The following C4orf33 variants were observed in gnomAD, a reference collection of about 807,000 sequenced individuals.
C4orf33 encodes chromosome 4 open reading frame 33.
In C4orf33, 20 loss-of-function variants were observed where a neutral mutation model predicts 24.3. That is an observed-to-expected ratio of 0.82 (90% CI 0.58 to 1.19). The LOEUF (loss-of-function observed/expected upper bound fraction) is 1.19, where lower values mean the gene tolerates loss of function less well. Ranked by LOEUF, C4orf33 falls within the 50% of genes most tolerant of loss-of-function variation. C4orf33 has a pLI of 0.00. For synonymous variants in C4orf33, 67 were observed against 76.4 expected (o/e 0.88, Z 0.64); for missense variants, 207 against 225.9 (o/e 0.92, Z 0.54).
chr4:129,114,589 G>A lies in C4orf33; in HGVS notation c.*2798G>A, dbSNP rs1753745843. ...TCAGTGATTACCTAAAGCAGCCCTAGAAAGCCGTTCGTCAGGATGAGAATC... is the reference window on the plus strand; with the variant it reads ...TCAGTGATTACCTAAAGCAGCCCTAAAAAGCCGTTCGTCAGGATGAGAATC... On this transcript the variant is annotated 3_prime_UTR_variant, in exon 6 of 6. Transcript: ENST00000425929. 6.6e-6 allele frequency: 1 copy of A among 152,216 alleles called. No homozygotes were observed. The highest frequency in any genetic ancestry group is 1.5e-5 in the Non-Finnish European group (1 of 68,072). 9.4% of individuals were successfully genotyped at this position (152,216 alleles called of 1,614,324 possible).
intron 5 of C4orf33, 64 bp downstream of exon 5, chr4:129,109,736 T>C: frequency 7.5e-7 from 1 of 1,339,804 alleles, no homozygotes; most frequent in Non-Finnish European, 1.0e-6. Context: ...TAATTCTTAG[T>C]GGAGCAGAAG....
chr4:129,114,534 A>C lies in C4orf33; in HGVS notation c.*2743A>C, dbSNP rs1295700119. 6.6e-6 allele frequency: 1 copy of C among 152,090 alleles called. No homozygotes were observed. Among genetic ancestry groups the C allele is most frequent in the Non-Finnish European group, 1.5e-5 (1 of 68,038 alleles). 9.4% of individuals were successfully genotyped at this position (152,090 alleles called of 1,614,324 possible). A position where few individuals can be genotyped will look rare whatever the true frequency, so the allele number is the denominator to read the frequency against. On this transcript the variant is annotated 3_prime_UTR_variant, in exon 6 of 6. Coordinates refer to ENST00000425929, the MANE Select transcript of C4orf33 (RefSeq NM_001099783.2). ...CAACCTCTTTGGAAGTTATTGTCCT[A>C]TGTTTGCTTCATGGGGAACCCAGGC...
At chr4:129,097,010 G>A (rs1190439709) in intron 1 of C4orf33, among the ~76,000 whole-genome samples, 1 of 152,174 alleles carries the variant, frequency 6.6e-6, no homozygotes, top group Non-Finnish European at 1.5e-5. Context: ...CCGGGTTCAA[G>A]CGATTCTTCT....
chr4:129,103,080 T>C lies in C4orf33; in HGVS notation c.181+289T>C, dbSNP rs182223018. 40 of 206,844 alleles carry C rather than the reference T, an allele frequency of 1.9e-4. No homozygotes were observed. The East Asian group carries it at 5.5e-3, about 28-fold the overall frequency. The allele number at this position is 206,844 out of a possible 1,614,324, so 12.8% of individuals were successfully genotyped here. A position where few individuals can be genotyped will look rare whatever the true frequency, so the allele number is the denominator to read the frequency against. ...TGTTGCCCAGGTTGGAGTGCAGTGG[T>C]GCAATCTCGGCTCACTGCAAGGTCC... On this transcript the variant is annotated intron_variant, in intron 2 of 5. Coordinates refer to ENST00000425929, the MANE Select transcript of C4orf33 (RefSeq NM_001099783.2).
At position 129,114,458 on chromosome 4, in the gene C4orf33, G is replaced by A. The variant is rs1267926400; in HGVS notation, c.*2667G>A. The A allele has an allele frequency of 6.6e-6, 1 of 152,118 alleles. No individual in the cohort carries two copies. The highest frequency in any genetic ancestry group is 1.5e-5 in the Non-Finnish European group (1 of 68,082). The allele number at this position is 152,118 out of a possible 1,614,324, so 9.4% of individuals were successfully genotyped here. On this transcript the variant is annotated 3_prime_UTR_variant, in exon 6 of 6. Coordinates refer to ENST00000425929, the MANE Select transcript of C4orf33 (RefSeq NM_001099783.2). ...CTTTCCTTCATTTCCATCATTTTCT[G>A]TTTTGCTCTTCCTGGTACCTCTCTC...
intron 2 of C4orf33, among the ~76,000 whole-genome samples, chr4:129,105,437 C>T (rs1161119982): frequency 2.0e-5 from 3 of 152,118 alleles, no homozygotes. Flanking sequence ...ATCTGGATAC[C>T]ATGGCCTAGT....
intron 1 of C4orf33, among the ~76,000 whole-genome samples, chr4:129,097,376 G>A (rs1384825397): frequency 1.3e-5 from 2 of 152,140 alleles, no homozygotes; most frequent in East Asian, 1.9e-4. Context: ...GTTACCACTC[G>A]TTTCTTGGAT....
Position 129,109,274 on chromosome 4 carries a change from T to C in C4orf33, c.243-33T>C, listed in dbSNP as rs1580016012. 1.9e-6 allele frequency: 3 copies of C among 1,593,978 alleles called. No homozygotes were observed. The South Asian group carries it at 3.3e-5, about 18-fold the overall frequency. On this transcript the variant is annotated intron_variant, in intron 3 of 5. Coordinates refer to ENST00000425929, the MANE Select transcript of C4orf33 (RefSeq NM_001099783.2). ...GTGAAGAAAATAACATTCATGTTTT[T>C]CAAACACTCATGAGGAATCTTAATT...
At chr4:129,097,561 A>T (rs1753242474) in intron 1 of C4orf33, among the ~76,000 whole-genome samples, 2 of 152,010 alleles carry the variant, frequency 1.3e-5, no homozygotes, top group South Asian at 4.2e-4. Flanking sequence ...GTATAGCATA[A>T]TTTTTTTTAC....
rs1200006999 is a variant in C4orf33 at position 129,112,381 on chromosome 4, C to A, written c.*590C>A. 1 of 152,122 alleles carries A rather than the reference C, an allele frequency of 6.6e-6. No individual in the cohort carries two copies. The highest frequency in any genetic ancestry group is 1.9e-4 in the East Asian group (1 of 5,198). 9.4% of individuals were successfully genotyped at this position (152,122 alleles called of 1,614,324 possible). ...AAACAAACCAAACATAACATACTAT[C>A]TAATTACTTTTATATTAAAGCCACT... On this transcript the variant is annotated 3_prime_UTR_variant, in exon 6 of 6. Transcript: ENST00000425929.
chr4:129,098,759 G>T (rs1753272010), intron 1 of C4orf33, among the ~76,000 whole-genome samples: 1 of 152,186 alleles, frequency 6.6e-6, no homozygotes, highest in Non-Finnish European at 1.5e-5. Flanking sequence ...TAAGGGGTGG[G>T]TTATTCATGC....
intron 1 of C4orf33, among the ~76,000 whole-genome samples, chr4:129,101,395 G>C (rs1223071043): frequency 1.3e-5 from 2 of 151,916 alleles, no homozygotes; most frequent in Non-Finnish European, 2.9e-5. Context: ...AAAGATTTCA[G>C]ATAAAAGAAG....
chr4:129,098,323 T>C (rs1753259652), intron 1 of C4orf33, among the ~76,000 whole-genome samples: 1 of 152,138 alleles, frequency 6.6e-6, no homozygotes, highest in Non-Finnish European at 1.5e-5. Context: ...GCCCCTTTCT[T>C]CCCTCCCCCC....
At chr4:129,106,343 C>G (rs572356448) in intron 2 of C4orf33, among the ~76,000 whole-genome samples, 43 of 152,100 alleles carry the variant, frequency 2.8e-4, no homozygotes, top group African/African-American at 8.9e-4. Flanking sequence ...TACAACCTGA[C>G]CAGCACTAGT....
chr4:129,110,132 C>A, intron 5 of C4orf33: 3 of 413,098 alleles, frequency 7.3e-6, no homozygotes, highest in Non-Finnish European at 9.8e-6. Flanking sequence ...TGTTTCTAGG[C>A]AACACTGCTT....
At chr4:129,102,509 C>G in intron 1 of C4orf33, 93 bp from the exon 2 acceptor site, 1 of 912,782 alleles carries the variant, frequency 1.1e-6, no homozygotes, top group East Asian at 2.7e-5. Context: ...CCTTTCCCGT[C>G]TGCTGTTTGG....
rs1242661877 is a variant in C4orf33 at position 129,111,841 on chromosome 4, TAAAC to T, written c.*54_*57del. ...ATTTTTTCCTCTATACCTTTTAAGA[TAAAC>T]AAAAAATAAATATCAATTTTTTAAG... is the stretch of plus-strand genomic sequence containing the variant. On this transcript the variant is annotated 3_prime_UTR_variant, in exon 6 of 6. Coordinates refer to ENST00000425929, the MANE Select transcript of C4orf33 (RefSeq NM_001099783.2). 4 of 1,012,856 alleles carry T rather than the reference TAAAC, an allele frequency of 3.9e-6. No homozygotes were observed. Among genetic ancestry groups the T allele is most frequent in the African/African-American group, 1.6e-5 (1 of 60,810 alleles). 62.7% of individuals were successfully genotyped at this position (1,012,856 alleles called of 1,614,324 possible). A position where few individuals can be genotyped will look rare whatever the true frequency, so the allele number is the denominator to read the frequency against.
At chr4:129,096,590 G>T (rs1185857082) in intron 1 of C4orf33, among the ~76,000 whole-genome samples, 8 of 152,092 alleles carry the variant, frequency 5.3e-5, no homozygotes, top group Non-Finnish European at 1.2e-4. Flanking sequence ...CCAGTGTTCG[G>T]TCTCCTTTCT....
intron 1 of C4orf33, among the ~76,000 whole-genome samples, chr4:129,096,491 C>T (rs548176374): frequency 4.6e-5 from 7 of 152,234 alleles, no homozygotes; most frequent in South Asian, 4.1e-4. Context: ...ATTTTCCTTG[C>T]AGATCATTTG....
Sources: gnomAD v4.1 joint callset for allele counts (sites outside exome capture counted in the v4.1 genomes callset) on GRCh38, gnomAD v4.1.1 for gene constraint, MANE v1.5 for transcripts, NCBI Gene and HGNC (gene_info 2026-07-23, HGNC 2026-07-21) for gene names.